Variants in MED21 observed in about 807,000 individuals in gnomAD.
MED21 encodes mediator complex subunit 21.
In MED21, 9 loss-of-function variants were observed where a neutral mutation model predicts 18.2. The ratio of observed to expected loss-of-function variants is 0.49; its 90% CI spans 0.30 to 0.86. MED21 has a LOEUF of 0.86. Among genes scored for constraint, MED21 ranks in the 40% least tolerant of loss-of-function variants. MED21 has a pLI of 0.07. For missense variants in MED21, 150 were observed against 170.9 expected (o/e 0.88, Z 0.68); for synonymous variants, 73 against 60.5 (o/e 1.21, Z -0.96).
At chr12:27,032,287 A>C (rs561752713), downstream of MED21, among the ~76,000 whole-genome samples, 43 of 152,268 alleles carry the variant, frequency 2.8e-4, no homozygotes, top group African/African-American at 1.0e-3. Flanking sequence ...CTGAATTTCA[A>C]CTTGGGGGCT....
In MED21 at chr12:27,027,387, A is replaced by G. The variant is rs771522973; in HGVS notation, c.198A>G (p.Ala66=). ...TTGCAGCACTGATTGCACGAACAGC[A>G]AAAGACATTGATGTTTTGATAGATT... ...QLFAALIART[A]KDIDVLIDSL... is the part of the protein sequence containing the mutation. Residue 66 remains alanine (A), a synonymous_variant, in exon 3 of 4, where the codon GCA becomes GCG. Transcript: ENST00000282892. The G allele has an allele frequency of 1.2e-6, 2 of 1,613,830 alleles. No individual in the cohort carries two copies. The highest frequency in any genetic ancestry group is 1.7e-6 in the Non-Finnish European group (2 of 1,179,926).
At chr12:27,036,587 C>T (rs113755376) in intron 2 of MED21, among the ~76,000 whole-genome samples, 34,427 of 152,142 alleles carry the variant, frequency 0.23, 4,923 homozygotes, top group Non-Finnish European at 0.33. Flanking sequence ...ACGTTTAAGT[C>T]TTTAATCCAT....
At chr12:27,023,984 C>T (rs911272931) in intron 1 of MED21, among the ~76,000 whole-genome samples, 26 of 152,182 alleles carry the variant, frequency 1.7e-4, no homozygotes, top group African/African-American at 3.6e-4. Flanking sequence ...TCACCACAAG[C>T]ACTAAGGAAC....
At chr12:27,027,908 T>C (rs76983536) in intron 3 of MED21, among the ~76,000 whole-genome samples, 3,027 of 152,328 alleles carry the variant, frequency 0.02, 104 homozygotes, top group African/African-American at 0.068. Context: ...TTGGAGGGGA[T>C]GCATTCAAAT....
At chr12:27,022,702 A>G (rs1382092233) in intron 1 of MED21, 81 bp downstream of exon 1, 7 of 1,610,758 alleles carry the variant, frequency 4.3e-6, no homozygotes, top group Non-Finnish European at 5.9e-6. Flanking sequence ...AAGAGGCAAA[A>G]CTTGAAAGTG....
In MED21 at chr12:27,022,607, G is replaced by A. The variant is rs1183079203; in HGVS notation, c.28G>A (p.Asp10Asn). MADRLTQLQ[D>N]AVNSLADQFC... ...GGCGGATCGGCTCACGCAGCTTCAG[G>A]ACGCTGTGAATTCGGTGAGGAATTT... Residue 10 changes from aspartate (D) to asparagine (N), a missense_variant, in exon 1 of 4, where the codon GAC (aspartate) becomes AAC (asparagine). Coordinates refer to ENST00000282892, the MANE Select transcript of MED21 (RefSeq NM_004264.5). 1 of 1,590,234 alleles carries A rather than the reference G, an allele frequency of 6.3e-7. No homozygotes were observed. Among genetic ancestry groups the A allele is most frequent in the Non-Finnish European group, 8.6e-7 (1 of 1,163,786 alleles).
chr12:27,026,655 T>G (rs1941548987), intron 2 of MED21, 121 bp downstream of exon 2: 1 of 763,160 alleles, frequency 1.3e-6, no homozygotes, highest in Non-Finnish European at 2.2e-6. Context: ...TTTGAGAATA[T>G]TACAAGTTTT....
chr12:27,026,543 G>C lies in MED21; in HGVS notation c.157+9G>C. The C allele has an allele frequency of 6.4e-7, 1 of 1,570,014 alleles. No individual in the cohort carries two copies. Among genetic ancestry groups the C allele is most frequent in the East Asian group, 2.2e-5 (1 of 44,478 alleles). On this transcript the variant is annotated intron_variant, in intron 2 of 3. Coordinates refer to ENST00000282892, the MANE Select transcript of MED21 (RefSeq NM_004264.5). Reference sequence around the variant, plus strand: ...AGCTAACCCTACAGAAGGTAAACAGGTTTTCTTAGCTTCTCTTAGTTTGAC... The same window carrying C: ...AGCTAACCCTACAGAAGGTAAACAGCTTTTCTTAGCTTCTCTTAGTTTGAC...
chr12:27,038,552 A>G (rs1941662948), intron 2 of MED21: 2 of 152,212 alleles, frequency 1.3e-5, no homozygotes, highest in Admixed American at 6.5e-5. Flanking sequence ...GTTAGGGCCA[A>G]AAGTAATCAA....
chr12:27,036,013 C>T (rs2136498044), intron 2 of MED21, among the ~76,000 whole-genome samples: 1 of 152,334 alleles, frequency 6.6e-6, no homozygotes. Flanking sequence ...GGAATCACCA[C>T]ACTGACTTCC....
intron 1 of MED21, among the ~76,000 whole-genome samples, chr12:27,024,345 C>T (rs534814465): frequency 1.3e-5 from 2 of 151,856 alleles, no homozygotes; most frequent in African/African-American, 4.8e-5. Flanking sequence ...CTTAATACAT[C>T]AGAATTTGTA....
intron 3 of MED21, among the ~76,000 whole-genome samples, 167 bp downstream of exon 3, chr12:27,027,614 G>A (rs1455462280): frequency 6.6e-6 from 1 of 152,114 alleles, no homozygotes; most frequent in Non-Finnish European, 1.5e-5. Flanking sequence ...CTGGAGTCTG[G>A]GAAGTCCAAG....
Position 27,028,331 on chromosome 12 carries a change from CAT to C in MED21, c.306_307del (p.Cys103SerfsTer21). 1 of 1,614,124 alleles carries C rather than the reference CAT, an allele frequency of 6.2e-7. No individual in the cohort carries two copies. Among genetic ancestry groups the C allele is most frequent in the Non-Finnish European group, 8.5e-7 (1 of 1,179,992 alleles). On this transcript the variant is annotated frameshift_variant, in exon 4 of 4. Coordinates refer to ENST00000282892, the MANE Select transcript of MED21 (RefSeq NM_004264.5). LOFTEE classifies it high-confidence loss of function. ...GAAGAAGAAAACCATGAAGCTGCTA[CAT>C]GTCTGGAGGATGTTGTTTATCGAGG... is the stretch of plus-strand genomic sequence containing the variant.
Position 27,029,123 on chromosome 12 carries a change from C to T in MED21, c.*662C>T, listed in dbSNP as rs1232650081. 1.0e-6 allele frequency: 1 copy of T among 985,216 alleles called. No individual in the cohort carries two copies. The highest frequency in any genetic ancestry group is 1.2e-6 in the Non-Finnish European group (1 of 829,902). The allele number at this position is 985,216 out of a possible 1,614,324, so 61.0% of individuals were successfully genotyped here. On this transcript the variant is annotated 3_prime_UTR_variant, in exon 4 of 4. Transcript: ENST00000282892. The stretch of plus-strand genomic sequence containing the variant: ...TTTTCTACATCCTGAACTATTTTTC[C>T]TATTTCTTTTCACCTTGCTTTTTTT...
chr12:27,029,129 C>G lies in MED21; in HGVS notation c.*668C>G. 1.0e-6 allele frequency: 1 copy of G among 985,354 alleles called. No homozygotes were observed. Among genetic ancestry groups the G allele is most frequent in the Non-Finnish European group, 1.2e-6 (1 of 829,888 alleles). The allele number at this position is 985,354 out of a possible 1,614,324, so 61.0% of individuals were successfully genotyped here. ...ACATCCTGAACTATTTTTCCTATTT[C>G]TTTTCACCTTGCTTTTTTTCATCCT... is the stretch of plus-strand genomic sequence containing the variant. On this transcript the variant is annotated 3_prime_UTR_variant, in exon 4 of 4. Coordinates refer to ENST00000282892, the MANE Select transcript of MED21 (RefSeq NM_004264.5).
At chr12:27,025,673 A>G (rs1013609564) in intron 1 of MED21, among the ~76,000 whole-genome samples, 4 of 152,212 alleles carry the variant, frequency 2.6e-5, no homozygotes, top group African/African-American at 7.2e-5. Flanking sequence ...AAGAGGAAAC[A>G]GTTGCCTTTG....
chr12:27,031,569 A>G (rs898579870), downstream of MED21, among the ~76,000 whole-genome samples: 3 of 152,204 alleles, frequency 2.0e-5, no homozygotes, highest in African/African-American at 4.8e-5. Context: ...CAATGGAAAC[A>G]TTATTGCTTT....
In MED21 at chr12:27,030,272, G is replaced by A; in HGVS notation, c.*1811G>A. The A allele has an allele frequency of 3.6e-6, 2 of 549,864 alleles. No homozygotes were observed. The highest frequency in any genetic ancestry group is 2.4e-5 in the South Asian group (1 of 41,266). 34.1% of individuals were successfully genotyped at this position (549,864 alleles called of 1,614,324 possible). A position where few individuals can be genotyped will look rare whatever the true frequency, so the allele number is the denominator to read the frequency against. On this transcript the variant is annotated 3_prime_UTR_variant, in exon 4 of 4. Transcript: ENST00000282892. ...AGCCTCTTCAGTAACTGGGACTACA[G>A]GCATGTACTACCACGTCCAGCTAAT...
At chr12:27,033,760 A>G (rs1280674328), downstream of MED21, among the ~76,000 whole-genome samples, 2 of 152,244 alleles carry the variant, frequency 1.3e-5, no homozygotes, top group Non-Finnish European at 2.9e-5. Flanking sequence ...TCAGGAGTCA[A>G]AAGAAGAAAT....
Sources: allele counts gnomAD v4.1 joint callset (sites outside exome capture counted in the v4.1 genomes callset), GRCh38; gene constraint gnomAD v4.1.1; transcripts MANE v1.5; gene names NCBI Gene and HGNC (gene_info 2026-07-23, HGNC 2026-07-21).